Variants in ZNF429 observed in about 807,000 individuals in gnomAD.
ZNF429 encodes zinc finger protein 429.
A neutral mutation model predicts 56.8 loss-of-function variants in ZNF429; 53 were observed. The observed-to-expected ratio is 0.93, with a 90% CI of 0.75 to 1.17. The LOEUF is 1.17. ZNF429 is among the 50% of genes most tolerant of loss of function. The pLI is 0.00. For synonymous variants in ZNF429, 278 were observed against 264.7 expected (o/e 1.05, Z -0.49); for missense variants, 849 against 788.4 (o/e 1.08, Z -0.92).
Position 21,537,051 on chromosome 19 carries a change from G to C in ZNF429, c.998G>C (p.Arg333Thr). ...TCCTCAACCCTTACTAGCCATAAGA[G>C]AATACATACTGGTGAGAAACCCTAC... ...NRSSTLTSHK[R>T]IHTGEKPYKC... Residue 333 changes from arginine (R) to threonine (T), a missense_variant, in exon 4 of 4, where the codon AGA becomes ACA. Transcript: ENST00000358491. The C allele has an allele frequency of 6.2e-7, 1 of 1,613,660 alleles. No homozygotes were observed. Among genetic ancestry groups the C allele is most frequent in the Non-Finnish European group, 8.5e-7 (1 of 1,179,890 alleles).
intron 1 of ZNF429, among the ~76,000 whole-genome samples, chr19:21,522,155 G>A (rs2033007143): frequency 6.6e-6 from 1 of 152,234 alleles, no homozygotes; most frequent in Non-Finnish European, 1.5e-5. Context: ...CTGCAGGAGA[G>A]TGAGAGCCTA....
intron 3 of ZNF429, among the ~76,000 whole-genome samples, chr19:21,535,417 T>C: frequency 7.5e-5 from 4 of 53,154 alleles, no homozygotes; most frequent in African/African-American, 2.4e-4. Flanking sequence ...TTTTCTTTTC[T>C]TTCTTTCTTT....
At chr19:21,530,097 A>C in intron 2 of ZNF429, among the ~76,000 whole-genome samples, 1 of 151,824 alleles carries the variant, frequency 6.6e-6, no homozygotes, top group African/African-American at 2.4e-5. Context: ...AGGCTGAGGC[A>C]GGAGAATGGC....
chr19:21,540,629 TTATA>T lies in ZNF429; in HGVS notation c.*2556_*2559del, dbSNP rs909576822. On this transcript the variant is annotated 3_prime_UTR_variant, in exon 4 of 4. Coordinates refer to ENST00000358491, the MANE Select transcript of ZNF429 (RefSeq NM_001001415.4). Reference sequence around the variant, plus strand: ...ATGGTTATCTTTGTGGTATAAAAATTTATATATAAGTATAAATAAACTCATTTCT... The same window carrying T: ...ATGGTTATCTTTGTGGTATAAAAATTTATAAGTATAAATAAACTCATTTCT... 8.6e-5 allele frequency among the ~76,000 whole-genome samples: 13 copies of T among 152,020 alleles called. No individual in the cohort carries two copies. The highest frequency in any genetic ancestry group is 3.4e-3 in the Middle Eastern group (1 of 294).
In ZNF429 at chr19:21,511,832, T is replaced by G. The variant is rs528163222; in HGVS notation, c.3+6058T>G. 4.0e-3 allele frequency among the ~76,000 whole-genome samples: 615 copies of G among 152,172 alleles called. 3 individuals carry two copies. Among genetic ancestry groups the G allele is most frequent in the African/African-American group, 0.014 (592 of 41,520 alleles). ...GACTCCTTCTGCAATCCCGGCACCTTGGGAGGCTGAGGCTGGCGGATCACT... is the reference window on the plus strand; with the variant it reads ...GACTCCTTCTGCAATCCCGGCACCTGGGGAGGCTGAGGCTGGCGGATCACT... On this transcript the variant is annotated intron_variant, in intron 1 of 3. Transcript: ENST00000358491.
At chr19:21,511,640 C>T (rs1427233072) in intron 1 of ZNF429, among the ~76,000 whole-genome samples, 2 of 151,462 alleles carry the variant, frequency 1.3e-5, no homozygotes, top group African/African-American at 4.9e-5. Context: ...TGATGGGCGG[C>T]CAGGCAGAGA....
intron 1 of ZNF429, among the ~76,000 whole-genome samples, chr19:21,517,164 T>A (rs533224929): frequency 1.3e-4 from 20 of 152,244 alleles, no homozygotes; most frequent in Non-Finnish European, 2.6e-4. Context: ...TTACATTTTA[T>A]TGAAAGCTTT....
intron 1 of ZNF429, among the ~76,000 whole-genome samples, chr19:21,516,127 G>A (rs1380833248): frequency 1.3e-5 from 2 of 151,962 alleles, no homozygotes; most frequent in East Asian, 3.9e-4. Flanking sequence ...GGAGTGCAGT[G>A]GAGCAATCTT....
In ZNF429 at chr19:21,536,499, T is replaced by C; in HGVS notation, c.446T>C (p.Ile149Thr). 6.2e-7 allele frequency: 1 copy of C among 1,612,944 alleles called. No individual in the cohort carries two copies. The highest frequency in any genetic ancestry group is 1.1e-5 in the South Asian group (1 of 90,988). The change falls in exon 4 of 4, where the codon ATA becomes ACA. Residue 149 changes from isoleucine to threonine, a missense_variant. Transcript: ENST00000358491. ...LTQSKMYHCD[I>T]YVKVFYAFSN... The stretch of plus-strand genomic sequence containing the variant: ...CAGAGCAAAATGTATCACTGTGATA[T>C]ATATGTAAAAGTCTTTTATGCATTT...
At chr19:21,535,420 CTTTCTTTCTTTCTTTCTTTCTTTCTTTCT>C in intron 3 of ZNF429, among the ~76,000 whole-genome samples, 93 of 6,348 alleles carry the variant, frequency 0.015, 14 homozygotes, top group East Asian at 0.06. Flanking sequence ...TCTTTTCTTT[CTTTCTTTCTTTCTTTCTTTCTTTCTTTCT>C]TTCTTTCTTT....
chr19:21,520,986 T>C (rs2032967116), intron 1 of ZNF429, among the ~76,000 whole-genome samples: 1 of 152,200 alleles, frequency 6.6e-6, no homozygotes, highest in Admixed American at 6.5e-5. Flanking sequence ...ACTTTTGAAA[T>C]ATAGTGTTTT....
At chr19:21,536,154 T>C in intron 3 of ZNF429, 126 bp from the exon 4 acceptor site, 6 of 959,798 alleles carry the variant, frequency 6.3e-6, no homozygotes, top group Non-Finnish European at 8.9e-6. Context: ...ATGAAGAAAT[T>C]AGAATCTGGT....
Position 21,505,958 on chromosome 19 carries a change from C to A in ZNF429, c.3+184C>A, listed in dbSNP as rs2032120726. 2.5e-5 allele frequency: 14 copies of A among 549,608 alleles called. No individual in the cohort carries two copies. The South Asian group carries it at 2.6e-4, about 10-fold the overall frequency. 34.0% of individuals were successfully genotyped at this position (549,608 alleles called of 1,614,324 possible). ...ATGGCGACTGTGCTGACAGCCGGGC[C>A]CCGGGCGTCCTGTCTTCCCTCCGCA... On this transcript the variant is annotated intron_variant, in intron 1 of 3. Coordinates refer to ENST00000358491, the MANE Select transcript of ZNF429 (RefSeq NM_001001415.4).
intron 1 of ZNF429, among the ~76,000 whole-genome samples, chr19:21,510,632 G>T (rs2032408194): frequency 6.6e-6 from 1 of 151,610 alleles, no homozygotes; most frequent in Non-Finnish European, 1.5e-5. Flanking sequence ...TCACAGAGGG[G>T]GATTTGGCAG....
chr19:21,535,338 TC>T, intron 3 of ZNF429, among the ~76,000 whole-genome samples: 14 of 109,822 alleles, frequency 1.3e-4, no homozygotes, highest in Non-Finnish European at 2.2e-4. Flanking sequence ...TCTTTTCTTT[TC>T]TTTCCTTTCC....
intron 1 of ZNF429, among the ~76,000 whole-genome samples, chr19:21,528,562 G>A (rs754348515): frequency 4.0e-5 from 6 of 151,884 alleles, no homozygotes; most frequent in Admixed American, 6.6e-5. Flanking sequence ...AAAATTAGCC[G>A]GGCGTGGTGG....
Position 21,536,322 on chromosome 19 carries a change from A to G in ZNF429, c.269A>G (p.Asp90Gly), listed in dbSNP as rs1285070761. 3.7e-6 allele frequency: 6 copies of G among 1,607,206 alleles called. No individual in the cohort carries two copies. The highest frequency in any genetic ancestry group is 5.1e-6 in the Non-Finnish European group (6 of 1,177,682). The change falls in exon 4 of 4, where the codon GAC becomes GGC. Residue 90 changes from aspartate to glycine, a missense_variant. By Grantham distance (94) the Asp-to-Gly change is moderately conservative (BLOSUM62 -1). Transcript: ENST00000358491. Reference sequence around the variant, plus strand: ...GCTGAAGACTTTTGGCCAGAGCAAGACATAAAAGATTCTTTCCAAAAAGTG... The same window carrying G: ...GCTGAAGACTTTTGGCCAGAGCAAGGCATAAAAGATTCTTTCCAAAAAGTG... ...HFAEDFWPEQDIKDSFQKVTL... is the reference protein window; with the variant it reads ...HFAEDFWPEQGIKDSFQKVTL...
chr19:21,509,555 A>G (rs1052470604), intron 1 of ZNF429, among the ~76,000 whole-genome samples: 2 of 152,188 alleles, frequency 1.3e-5, no homozygotes, highest in African/African-American at 4.8e-5. Context: ...AGGTTATTTA[A>G]GATCCAGTTA....
Position 21,537,689 on chromosome 19 carries a change from T to A in ZNF429, c.1636T>A (p.Phe546Ile). 6.2e-7 allele frequency: 1 copy of A among 1,613,832 alleles called. No individual in the cohort carries two copies. Among genetic ancestry groups the A allele is most frequent in the Non-Finnish European group, 8.5e-7 (1 of 1,180,010 alleles). ...CAAATGTGAAGAATGTGGCAAAGCT[T>A]TTAACCGGTCCTCAAGACTTACTCA... The part of the protein sequence containing the change: ...PYKCEECGKA[F>I]NRSSRLTQHK... The change falls in exon 4 of 4, where the codon TTT becomes ATT. Residue 546 changes from phenylalanine to isoleucine, a missense_variant. By Grantham distance (21) the Phe-to-Ile change is conservative (BLOSUM62 0). Coordinates refer to ENST00000358491, the MANE Select transcript of ZNF429 (RefSeq NM_001001415.4).
Sources: gnomAD v4.1 joint callset for allele counts (sites outside exome capture counted in the v4.1 genomes callset) on GRCh38, gnomAD v4.1.1 for gene constraint, MANE v1.5 for transcripts, NCBI Gene and HGNC (gene_info 2026-07-23, HGNC 2026-07-21) for gene names.